STK4: variants seen among roughly 807,000 people sequenced by gnomAD.
STK4 encodes serine/threonine kinase 4.
STK4 carries 30 observed loss-of-function variants against 64.9 expected under a neutral mutation model. The observed-to-expected ratio is 0.46, with a 90% CI of 0.35 to 0.63. The LOEUF is 0.63. Among genes scored for constraint, STK4 ranks in the 20% least tolerant of loss-of-function variants. The probability of loss-of-function intolerance (pLI) is 0.01; values close to 1 mark genes in which losing one functional copy is unlikely to be tolerated. For synonymous variants in STK4, 177 were observed against 199.0 expected (o/e 0.89, Z 0.93); for missense variants, 466 against 598.5 (o/e 0.78, Z 2.31).
chr20:45,013,728 GA>G (rs1298743514), intron 9 of STK4, among the ~76,000 whole-genome samples: 2 of 151,992 alleles, frequency 1.3e-5, no homozygotes, highest in Non-Finnish European at 2.9e-5. Context: ...TTTGGTGCAG[GA>G]ATCTGTAATT....
At chr20:45,011,997 C>T (rs976245038) in intron 9 of STK4, among the ~76,000 whole-genome samples, 1 of 151,362 alleles carries the variant, frequency 6.6e-6, no homozygotes, top group Admixed American at 6.6e-5. Flanking sequence ...CTTTTCATCA[C>T]AGATTACTTC....
In STK4 at chr20:45,048,710, G is replaced by T. The variant is rs372270925; in HGVS notation, c.1305+23580G>T. 4.6e-5 allele frequency among the ~76,000 whole-genome samples: 7 copies of T among 152,266 alleles called. 1 individual carries two copies. ...TTGGCCAGGCTGGCCTCGAACTCCT[G>T]ACCTCAGGTGATCCATCCGCCTCGG... On this transcript the variant is annotated intron_variant, in intron 10 of 10. Transcript: ENST00000372806.
At chr20:44,967,893 A>G (rs938657352) in intron 1 of STK4, among the ~76,000 whole-genome samples, 1 of 152,198 alleles carries the variant, frequency 6.6e-6, no homozygotes, top group African/African-American at 2.4e-5. Context: ...GCACTGTTCT[A>G]AGTGCTTTCC....
Position 44,987,220 on chromosome 20 carries a change from T to C in STK4, c.449T>C (p.Ile150Thr). The change falls in exon 5 of 11, where the codon ATC becomes ACC. Residue 150 changes from isoleucine (I) to threonine (T), a missense_variant. By Grantham distance (89) the Ile-to-Thr change is moderately conservative. Around this residue, in one of 2 missense-constraint regions of STK4, gnomAD observed 190 missense variants for 289.7 expected, o/e 0.66. Transcript: ENST00000372806. The stretch of plus-strand genomic sequence containing the variant: ...TTTATGAGAAAAATACACCGAGATA[T>C]CAAGGCAGGAAATATTTTGCTAAAT... ...LHFMRKIHRD[I>T]KAGNILLNTE... 6.2e-7 allele frequency: 1 copy of C among 1,613,136 alleles called. No individual in the cohort carries two copies. Among genetic ancestry groups the C allele is most frequent in the South Asian group, 1.1e-5 (1 of 90,898 alleles).
intron 9 of STK4, among the ~76,000 whole-genome samples, chr20:45,017,609 A>G (rs1403304145): frequency 2.6e-5 from 4 of 152,212 alleles, no homozygotes; most frequent in Admixed American, 6.5e-5. Flanking sequence ...TCTCTTGTTA[A>G]TAGGGTATCT....
At chr20:45,036,877 G>A (rs2068536800) in intron 10 of STK4, among the ~76,000 whole-genome samples, 1 of 152,148 alleles carries the variant, frequency 6.6e-6, no homozygotes, top group Admixed American at 6.5e-5. Context: ...TGTATCTCCT[G>A]TGGATAAGGG....
intron 9 of STK4, among the ~76,000 whole-genome samples, chr20:45,001,731 A>G (rs1271295070): frequency 6.6e-6 from 1 of 152,196 alleles, no homozygotes; most frequent in Non-Finnish European, 1.5e-5. Context: ...ATACATCTTC[A>G]GTTTATTTTC....
chr20:44,981,462 A>G (rs915541666), intron 3 of STK4, among the ~76,000 whole-genome samples: 3 of 152,120 alleles, frequency 2.0e-5, no homozygotes, highest in African/African-American at 4.8e-5. Context: ...GCCCTGTATC[A>G]TTATTTCTTA....
rs528471821 is a variant in STK4 at position 45,037,244 on chromosome 20, G to A, written c.1305+12114G>A. ...AGTGTGTCTGTGGGGATACTAAGGA[G>A]TGTGGCATGGGTCCAGGAAGTACTG... On this transcript the variant is annotated intron_variant, in intron 10 of 10. Transcript: ENST00000372806. Among the ~76,000 whole-genome samples, 23 of 152,266 alleles carry A rather than the reference G, an allele frequency of 1.5e-4. 1 individual carries two copies. In the South Asian group the frequency reaches 4.1e-3, roughly 27 times the overall value.
At chr20:44,996,187 G>A (rs541337285) in intron 6 of STK4, among the ~76,000 whole-genome samples, 11 of 152,146 alleles carry the variant, frequency 7.2e-5, no homozygotes, top group Admixed American at 7.2e-4. Context: ...TCTGGAGGCT[G>A]TGTACTCTCC....
Position 45,076,452 on chromosome 20 carries a change from C to G in STK4, c.*1276C>G, listed in dbSNP as rs939804260. 3 of 152,210 alleles carry G rather than the reference C, an allele frequency of 2.0e-5. No individual in the cohort carries two copies. The highest frequency in any genetic ancestry group is 7.2e-5 in the African/African-American group (3 of 41,444). 9.4% of individuals were successfully genotyped at this position (152,210 alleles called of 1,614,324 possible). ...CAGCCCCTTCTTTGGGGGAAGAGAC[C>G]TGTGTCAGTCTTGGTTAATTGTTCC... On this transcript the variant is annotated 3_prime_UTR_variant, in exon 11 of 11. Transcript: ENST00000372806. The surrounding 1 kb of genome is among the most constrained non-coding windows in gnomAD (Gnocchi z 4.0).
chr20:45,003,697 C>T (rs2067881836), intron 9 of STK4, among the ~76,000 whole-genome samples: 2 of 151,536 alleles, frequency 1.3e-5, no homozygotes, highest in Admixed American at 1.3e-4. Context: ...TGCTGTGAAC[C>T]TAAAACGTCT....
At chr20:45,038,475 A>G (rs2068561951) in intron 10 of STK4, among the ~76,000 whole-genome samples, 1 of 152,050 alleles carries the variant, frequency 6.6e-6, no homozygotes, top group South Asian at 2.1e-4. Flanking sequence ...AAGTTGGTTG[A>G]TATGTCTCTT....
intron 5 of STK4, among the ~76,000 whole-genome samples, chr20:44,987,812 T>G (rs777255868): frequency 6.6e-5 from 10 of 152,068 alleles, no homozygotes; most frequent in Admixed American, 2.6e-4. Context: ...AATTATTTGA[T>G]TCTACATAAG....
At chr20:44,975,274 G>T in intron 2 of STK4, 1 of 755,786 alleles carries the variant, frequency 1.3e-6, no homozygotes, top group Non-Finnish European at 1.6e-6. Context: ...GGACTTGCTT[G>T]TGAGTATGAT....
At chr20:45,010,031 C>T (rs2068016930) in intron 9 of STK4, among the ~76,000 whole-genome samples, 1 of 151,606 alleles carries the variant, frequency 6.6e-6, no homozygotes, top group South Asian at 2.1e-4. Context: ...CTTTCTTTTG[C>T]CTGGTTGTTC....
rs1401051870 is a variant in STK4 at position 45,076,796 on chromosome 20, A to T, written c.*1620A>T. ...ATTGCTTTTGCTCCTGAAACCTGGG[A>T]ATCAATGGAAAGGCAGGGAATGTGC... On this transcript the variant is annotated 3_prime_UTR_variant, in exon 11 of 11. Transcript: ENST00000372806. This position sits in a 1 kb window ranked among gnomAD's most constrained non-coding sequence, Gnocchi z 4.0. 1.3e-5 allele frequency: 2 copies of T among 152,208 alleles called. No homozygotes were observed. Among genetic ancestry groups the T allele is most frequent in the East Asian group, 3.8e-4 (2 of 5,196 alleles). The allele number at this position is 152,208 out of a possible 1,614,324, so 9.4% of individuals were successfully genotyped here.
At chr20:45,012,092 G>T (rs1352080894) in intron 9 of STK4, among the ~76,000 whole-genome samples, 2 of 150,088 alleles carry the variant, frequency 1.3e-5, no homozygotes, top group African/African-American at 4.9e-5. Flanking sequence ...CTAGAGTGCA[G>T]TGGCGCGATC....
At chr20:44,992,646 A>G (rs1004774607) in intron 5 of STK4, among the ~76,000 whole-genome samples, 2 of 151,322 alleles carry the variant, frequency 1.3e-5, no homozygotes, top group East Asian at 3.9e-4. Context: ...AGCTAGGACT[A>G]CAGGCATGTG....
Sources: allele counts gnomAD v4.1 joint callset (sites outside exome capture counted in the v4.1 genomes callset), GRCh38; gene constraint gnomAD v4.1.1; regional missense constraint gnomAD v4.1.1; non-coding constraint Gnocchi (gnomAD v3.1); transcripts MANE v1.5; gene names NCBI Gene and HGNC (gene_info 2026-07-23, HGNC 2026-07-21).